TUBGCP5: variants seen among roughly 807,000 people sequenced by gnomAD.
TUBGCP5 encodes the protein tubulin gamma complex component 5, also known as gamma-tubulin complex component 5.
A neutral mutation model predicts 134.7 loss-of-function variants in TUBGCP5; 98 were observed. That is an observed-to-expected ratio of 0.73 (90% CI 0.62 to 0.86). TUBGCP5 has a LOEUF of 0.86. Among genes scored for constraint, TUBGCP5 ranks in the 40% least tolerant of loss-of-function variants. The pLI is 0.00. For synonymous variants in TUBGCP5, 456 were observed against 431.4 expected, an observed-to-expected ratio of 1.06 and a Z score of -0.71; for missense variants, 1,150 against 1,244.8, an observed-to-expected ratio of 0.92 and a Z score of 1.15.
At position 23,006,039 on chromosome 15, in the gene TUBGCP5, A is replaced by C. The variant is rs200287364; in HGVS notation, c.2533+13T>G. On this transcript the variant is annotated intron_variant, in intron 18 of 22. Coordinates refer to ENST00000615383, the MANE Select transcript of TUBGCP5 (RefSeq NM_052903.6). ...AATAAAATTACAATTTATCTGCTGAAAACAAATCTTACCACCAAAAAGTAA... is the reference window on the plus strand; with the variant it reads ...AATAAAATTACAATTTATCTGCTGACAACAAATCTTACCACCAAAAAGTAA... 3.1e-6 allele frequency: 5 copies of C among 1,587,622 alleles called. No individual in the cohort carries two copies. In the Admixed American group the frequency reaches 9.7e-5, roughly 31 times the overall value.
chr15:23,018,133 T>A (rs2065449117), intron 12 of TUBGCP5, 92 bp from the exon 13 acceptor site: 1 of 1,293,242 alleles, frequency 7.7e-7, no homozygotes, highest in African/African-American at 1.5e-5. Context: ...TTATAAAACA[T>A]AGTATTAATT....
At chr15:23,026,318 T>C in intron 7 of TUBGCP5, 113 bp from the exon 8 acceptor site, 1 of 865,496 alleles carries the variant, frequency 1.2e-6, no homozygotes, top group Non-Finnish European at 1.9e-6. Flanking sequence ...AACTAACAAG[T>C]ATACATAATA....
chr15:22,989,902 CT>C (rs1347107241), intron 23 of TUBGCP5, among the ~76,000 whole-genome samples: 1 of 152,168 alleles, frequency 6.6e-6, no homozygotes. Flanking sequence ...ACTTTTATTT[CT>C]TCTGCAGTGA....
Position 23,004,096 on chromosome 15 carries a change from A to G in TUBGCP5, c.2838+6T>C, listed in dbSNP as rs935846106. On this transcript the variant is annotated splice_donor_region_variant and intron_variant, in intron 20 of 22. Transcript: ENST00000615383. The stretch of plus-strand genomic sequence containing the variant: ...TGGCCACATCTGCAGGAGACATCTC[A>G]TGTACCTTTTCTCTCAGCAGACACC... The G allele has an allele frequency of 6.2e-7, 1 of 1,606,384 alleles. No homozygotes were observed. The highest frequency in any genetic ancestry group is 8.5e-7 in the Non-Finnish European group (1 of 1,177,522).
chr15:22,998,885 G>A (rs2064216978), downstream of TUBGCP5, among the ~76,000 whole-genome samples: 1 of 152,114 alleles, frequency 6.6e-6, no homozygotes, highest in Admixed American at 6.6e-5. Flanking sequence ...CCAAAGTGCT[G>A]GGATTACAGG....
At position 23,007,199 on chromosome 15, in the gene TUBGCP5, C is replaced by G. The variant is rs564868397; in HGVS notation, c.2328-847G>C. Reference sequence around the variant, plus strand: ...CTCGAGGATCACGAGGTCAGGAGATCGAGACCATCCTGGCTAACCCAGTGA... The same window carrying G: ...CTCGAGGATCACGAGGTCAGGAGATGGAGACCATCCTGGCTAACCCAGTGA... On this transcript the variant is annotated intron_variant, in intron 16 of 22. Coordinates refer to ENST00000615383, the MANE Select transcript of TUBGCP5 (RefSeq NM_052903.6). 3.3e-4 allele frequency among the ~76,000 whole-genome samples: 50 copies of G among 152,146 alleles called. 2 individuals are homozygous for G. In the South Asian group the frequency reaches 9.5e-3, roughly 29 times the overall value.
chr15:23,024,567 A>G (rs1301664631), intron 9 of TUBGCP5, among the ~76,000 whole-genome samples, 170 bp downstream of exon 9: 1 of 152,112 alleles, frequency 6.6e-6, no homozygotes, highest in Non-Finnish European at 1.5e-5. Flanking sequence ...AAGATGCACA[A>G]CTCAATTTTT....
At chr15:22,998,484 G>A, downstream of TUBGCP5, among the ~76,000 whole-genome samples, 1 of 152,200 alleles carries the variant, frequency 6.6e-6, no homozygotes, top group Non-Finnish European at 1.5e-5. Flanking sequence ...TTGGAGACAA[G>A]GTCTTGCTCT....
downstream of TUBGCP5, among the ~76,000 whole-genome samples, chr15:22,995,030 G>A (rs187173124): frequency 2.4e-4 from 37 of 152,220 alleles, no homozygotes; most frequent in East Asian, 4.3e-3. Flanking sequence ...GATCACTCGA[G>A]GTCGGGAGTT....
chr15:22,988,159 G>A (rs1406582908), intron 23 of TUBGCP5, among the ~76,000 whole-genome samples: 6 of 151,838 alleles, frequency 4.0e-5, no homozygotes, highest in Admixed American at 1.3e-4. Context: ...TGAAGAAAGA[G>A]TCTTAGCGGA....
rs751622811 is a variant in TUBGCP5 at position 23,017,834 on chromosome 15, C to T, written c.1695G>A (p.Ser565=). Residue 565 remains serine, a synonymous_variant, in exon 13 of 23, where the codon TCG becomes TCA. Transcript: ENST00000615383. The stretch of plus-strand genomic sequence containing the variant: ...ACTGCAGGTTCTTCAGCAGCTGCAT[C>T]GACTTGCCAGCCATTATGATCTGCT... ...VLKQIIMAGK[S]MQLLKNLQCA... is the part of the protein sequence containing the mutation. 2.5e-6 allele frequency: 4 copies of T among 1,613,992 alleles called. No homozygotes were observed. The highest frequency in any genetic ancestry group is 2.5e-6 in the Non-Finnish European group (3 of 1,179,914).
chr15:23,007,952 G>A (rs1256095664), intron 16 of TUBGCP5, among the ~76,000 whole-genome samples: 1 of 152,134 alleles, frequency 6.6e-6, no homozygotes, highest in African/African-American at 2.4e-5. Context: ...AGAGGTCAGG[G>A]GCATTCTCTA....
intron 3 of TUBGCP5, among the ~76,000 whole-genome samples, chr15:23,034,905 C>T (rs974242509): frequency 1.3e-4 from 19 of 151,920 alleles, no homozygotes; most frequent in South Asian, 2.1e-4. Context: ...AAAACTGATT[C>T]GCTGAAGAGA....
intron 23 of TUBGCP5, chr15:22,983,761 C>T (rs1243078791): frequency 6.6e-6 from 1 of 152,212 alleles, no homozygotes; most frequent in Admixed American, 6.6e-5. Context: ...TCCCCCTCCT[C>T]TGAGTTCCAG....
At chr15:22,991,769 G>A (rs1014160179) in intron 23 of TUBGCP5, among the ~76,000 whole-genome samples, 2 of 152,226 alleles carry the variant, frequency 1.3e-5, no homozygotes, top group African/African-American at 4.8e-5. Flanking sequence ...GTTCCAAAGT[G>A]TAGATGTTTG....
In TUBGCP5 at chr15:22,991,529, G is replaced by A. The variant is rs866870022; in HGVS notation, c.*61+5316C>T. ...GCAAGACCATGAGGGAGGCGCTGGC[G>A]GAGGCTTGGGGAGAGGCAGGGAGCT... On this transcript the variant is annotated intron_variant and NMD_transcript_variant, in intron 23 of 23. Transcript: ENST00000614508. Among the ~76,000 whole-genome samples the A allele has an allele frequency of 7.2e-5, 11 of 152,260 alleles. No individual in the cohort carries two copies. The East Asian group carries it at 1.7e-3, about 24-fold the overall frequency.
intron 13 of TUBGCP5, among the ~76,000 whole-genome samples, chr15:23,015,502 C>T (rs928148017): frequency 2.0e-5 from 3 of 151,854 alleles, no homozygotes; most frequent in African/African-American, 4.8e-5. Context: ...ATTAGCCAGG[C>T]GTGGTGGCAC....
At chr15:23,022,392 T>C (rs2065756300) in intron 10 of TUBGCP5, among the ~76,000 whole-genome samples, 1 of 152,092 alleles carries the variant, frequency 6.6e-6, no homozygotes, top group Admixed American at 6.5e-5. Flanking sequence ...TGACAGTTCA[T>C]AAAAAAGGAA....
chr15:23,008,495 G>A lies in TUBGCP5; in HGVS notation c.2327+204C>T, dbSNP rs1171408661. 8 of 630,686 alleles carry A rather than the reference G, an allele frequency of 1.3e-5. No homozygotes were observed. The Admixed American group carries it at 1.6e-4, about 12-fold the overall frequency. The allele number at this position is 630,686 out of a possible 1,614,324, so 39.1% of individuals were successfully genotyped here. A position where few individuals can be genotyped will look rare whatever the true frequency, so the allele number is the denominator to read the frequency against. ...GCTGGTCTCGAACTCCTGACCTCAG[G>A]TGATCCACCGCCTCTGCCTCCCAAA... On this transcript the variant is annotated intron_variant, in intron 16 of 22. Transcript: ENST00000615383.
Sources: gnomAD v4.1 joint callset for allele counts (sites outside exome capture counted in the v4.1 genomes callset) on GRCh38, gnomAD v4.1.1 for gene constraint, MANE v1.5 for transcripts, NCBI Gene and HGNC (gene_info 2026-07-23, HGNC 2026-07-21) for gene names.